The following C12orf42 variants were observed in gnomAD, a reference collection of about 807,000 sequenced individuals.
C12orf42 encodes the protein uncharacterized protein C12orf42.
In C12orf42, 25 loss-of-function variants were observed where a neutral mutation model predicts 21.6. That is an observed-to-expected ratio of 1.16 (90% CI 0.84 to 1.62). The LOEUF (loss-of-function observed/expected upper bound fraction) is 1.62, where lower values mean the gene tolerates loss of function less well. Among genes scored for constraint, C12orf42 ranks in the 40% most tolerant of loss-of-function variants. C12orf42 has a pLI of 0.00. For synonymous variants in C12orf42, 174 were observed against 175.0 expected (o/e 0.99, Z 0.05); for missense variants, 483 against 459.3 (o/e 1.05, Z -0.47).
chr12:103,180,001 G>A, the C12orf42 span, among the ~76,000 whole-genome samples: 5 of 152,132 alleles, frequency 3.3e-5, no homozygotes, highest in Non-Finnish European at 7.4e-5. Flanking sequence ...GAAGTAAATA[G>A]GGAGCATGAC....
intron 4 of C12orf42, among the ~76,000 whole-genome samples, chr12:103,292,342 C>A (rs1436272810): frequency 6.6e-6 from 1 of 152,038 alleles, no homozygotes. Flanking sequence ...ATATGAAAAA[C>A]TCATGAATTG....
chr12:103,395,998 C>T (rs1207142627), intron 3 of C12orf42, among the ~76,000 whole-genome samples: 1 of 148,022 alleles, frequency 6.8e-6, no homozygotes, highest in Non-Finnish European at 1.5e-5. Context: ...ATAGTTATAA[C>T]ATAACATATA....
intron 4 of C12orf42, among the ~76,000 whole-genome samples, chr12:103,366,798 T>C (rs947715000): frequency 4.0e-5 from 6 of 151,552 alleles, no homozygotes; most frequent in Admixed American, 2.6e-4. Flanking sequence ...AATCAAAAAA[T>C]AATAGATGTT....
chr12:103,306,548 G>A (rs1024908337), intron 4 of C12orf42, among the ~76,000 whole-genome samples: 1 of 152,148 alleles, frequency 6.6e-6, no homozygotes, highest in Admixed American at 6.5e-5. Context: ...AGGACAGGAT[G>A]TTTGTGCTGA....
chr12:103,322,820 C>A (rs1566079133), intron 4 of C12orf42, among the ~76,000 whole-genome samples: 1 of 152,160 alleles, frequency 6.6e-6, no homozygotes, highest in Non-Finnish European at 1.5e-5. Flanking sequence ...GAAAAAGATA[C>A]TTTGATAAGT....
chr12:103,268,974 G>A (rs560414266), intron 6 of C12orf42: 1 of 152,282 alleles, frequency 6.6e-6, no homozygotes, highest in Admixed American at 6.5e-5. Flanking sequence ...TGCCAAGAAA[G>A]ATGATAAATT....
At chr12:103,214,029 T>C in the C12orf42 span, among the ~76,000 whole-genome samples, 1 of 152,256 alleles carries the variant, frequency 6.6e-6, no homozygotes, top group Non-Finnish European at 1.5e-5. Context: ...CAATGATCAC[T>C]AATGCTCTTT....
chr12:103,048,921 CCTT>C, the C12orf42 span, among the ~76,000 whole-genome samples: 49 of 152,280 alleles, frequency 3.2e-4, no homozygotes, highest in African/African-American at 1.2e-3. Flanking sequence ...TTCTCACTAA[CCTT>C]CTTTATCCCT....
downstream of C12orf42, among the ~76,000 whole-genome samples, chr12:103,234,374 A>G (rs1408506548): frequency 2.6e-5 from 4 of 152,230 alleles, no homozygotes; most frequent in South Asian, 8.3e-4. Flanking sequence ...TTGTTATTCT[A>G]AAGAGATTTG....
chr12:103,058,255 G>A, the C12orf42 span, among the ~76,000 whole-genome samples: 1 of 152,208 alleles, frequency 6.6e-6, no homozygotes, highest in Admixed American at 6.5e-5. Context: ...TTGCCCGGCC[G>A]ATGAGCTTTT....
intron 2 of C12orf42, among the ~76,000 whole-genome samples, chr12:103,437,208 G>A (rs540840427): frequency 6.6e-5 from 10 of 152,174 alleles, no homozygotes; most frequent in East Asian, 5.8e-4. Flanking sequence ...TGAAACCAGC[G>A]AGAACAAAGA....
the C12orf42 span, among the ~76,000 whole-genome samples, chr12:103,547,411 A>C: frequency 6.6e-6 from 1 of 152,338 alleles, no homozygotes; most frequent in African/African-American, 2.4e-5. Context: ...ATAGTGTCCT[A>C]CTATACCTGT....
At chr12:103,517,582 C>A in the C12orf42 span, among the ~76,000 whole-genome samples, 3 of 152,140 alleles carry the variant, frequency 2.0e-5, no homozygotes, top group Non-Finnish European at 2.9e-5. Context: ...GTTAGATGAA[C>A]CAACACTTCT....
At chr12:103,120,089 T>C in the C12orf42 span, among the ~76,000 whole-genome samples, 2 of 152,238 alleles carry the variant, frequency 1.3e-5, no homozygotes, top group African/African-American at 4.8e-5. Flanking sequence ...CATACTTAAC[T>C]TATGAATAAT....
intron 2 of C12orf42, among the ~76,000 whole-genome samples, chr12:103,462,545 A>C (rs375303852): frequency 6.6e-6 from 1 of 152,168 alleles, no homozygotes; most frequent in Non-Finnish European, 1.5e-5. Flanking sequence ...CCAAATGAGA[A>C]TGTCCCCTAA....
intron 2 of C12orf42, among the ~76,000 whole-genome samples, chr12:103,438,566 A>G (rs1950934948): frequency 6.6e-6 from 1 of 152,110 alleles, no homozygotes; most frequent in African/African-American, 2.4e-5. Flanking sequence ...AAGTCTCAGG[A>G]TACAAAATCA....
At position 103,317,370 on chromosome 12, in the gene C12orf42, A is replaced by T. The variant is rs142936711; in HGVS notation, c.260-11025T>A. 4.1e-3 allele frequency among the ~76,000 whole-genome samples: 621 copies of T among 152,326 alleles called. 3 individuals carry two copies. The highest frequency in any genetic ancestry group is 0.012 in the African/African-American group (516 of 41,564). On this transcript the variant is annotated intron_variant, in intron 4 of 5. Transcript: ENST00000548883. ...AGATAACTGCAGAGTATTCAGATATAGTTCATCCTCCTCCCAGGATACCGC... is the reference window on the plus strand; with the variant it reads ...AGATAACTGCAGAGTATTCAGATATTGTTCATCCTCCTCCCAGGATACCGC...
At chr12:103,057,226 C>A in the C12orf42 span, among the ~76,000 whole-genome samples, 1 of 150,296 alleles carries the variant, frequency 6.7e-6, no homozygotes, top group African/African-American at 2.5e-5. Flanking sequence ...GATACATGTG[C>A]AGAATGTGCA....
At chr12:103,248,629 A>T (rs1477129576) in intron 10 of C12orf42, among the ~76,000 whole-genome samples, 1 of 152,040 alleles carries the variant, frequency 6.6e-6, no homozygotes, top group Non-Finnish European at 1.5e-5. Flanking sequence ...AAAATTCCGA[A>T]GAGTAAAGAA....
Sources: allele counts gnomAD v4.1 joint callset (sites outside exome capture counted in the v4.1 genomes callset), GRCh38; gene constraint gnomAD v4.1.1; transcripts MANE v1.5; gene names NCBI Gene and HGNC (gene_info 2026-07-23, HGNC 2026-07-21).